LSM12: variants seen among roughly 807,000 people sequenced by gnomAD.
The protein encoded by LSM12 is protein LSM12.
For missense variants in LSM12, 108 were observed against 238.9 expected, an observed-to-expected ratio of 0.45 and a Z score of 3.61; for synonymous variants, 74 against 87.3, an observed-to-expected ratio of 0.85 and a Z score of 0.85.
chr17:44,037,610 T>A, intron 3 of LSM12, 72 bp from the exon 4 acceptor site: 1 of 1,496,102 alleles, frequency 6.7e-7, no homozygotes. Flanking sequence ...GATGAATAAA[T>A]AACTCCAGAA....
intron 1 of LSM12, 152 bp downstream of exon 1, chr17:44,066,312 G>A: frequency 1.1e-6 from 1 of 920,408 alleles, no homozygotes; most frequent in Non-Finnish European, 1.5e-6. Flanking sequence ...AGGGGGAGGG[G>A]AGCTCAGGGC....
At chr17:44,051,426 T>C (rs1322865890) in intron 2 of LSM12, among the ~76,000 whole-genome samples, 2 of 135,736 alleles carry the variant, frequency 1.5e-5, no homozygotes, top group Non-Finnish European at 3.1e-5. Context: ...ATTAGCTGGG[T>C]GTGGTGGCGC....
intron 2 of LSM12, among the ~76,000 whole-genome samples, chr17:44,049,459 G>A (rs1391589847): frequency 6.6e-6 from 1 of 151,820 alleles, no homozygotes; most frequent in East Asian, 1.9e-4. Flanking sequence ...TTTTATTTTT[G>A]TAGAGATGGG....
chr17:44,048,588 T>G (rs950217942), intron 2 of LSM12, among the ~76,000 whole-genome samples: 5 of 152,014 alleles, frequency 3.3e-5, no homozygotes, highest in Non-Finnish European at 7.4e-5. Context: ...ACCAATCAGT[T>G]AGAAGCACTA....
intron 2 of LSM12, among the ~76,000 whole-genome samples, chr17:44,055,593 CTT>C (rs1309082413): frequency 1.3e-5 from 2 of 149,300 alleles, no homozygotes; most frequent in Non-Finnish European, 3.0e-5. Context: ...AAGAGAATTA[CTT>C]TAGCACAGGA....
At chr17:44,058,251 AAATAAT>A (rs202053481) in intron 2 of LSM12, among the ~76,000 whole-genome samples, 7 of 150,712 alleles carry the variant, frequency 4.6e-5, no homozygotes, top group Non-Finnish European at 8.9e-5. Flanking sequence ...AAAAAATAAT[AAATAAT>A]AATAATAATA....
At chr17:44,046,134 A>G (rs1035502764) in intron 2 of LSM12, among the ~76,000 whole-genome samples, 2 of 149,506 alleles carry the variant, frequency 1.3e-5, no homozygotes, top group African/African-American at 4.9e-5. Flanking sequence ...ACAGGGTTTC[A>G]CCCTGTTAGC....
At chr17:44,046,081 C>T (rs968245867) in intron 2 of LSM12, among the ~76,000 whole-genome samples, 1 of 150,608 alleles carries the variant, frequency 6.6e-6, no homozygotes, top group Non-Finnish European at 1.5e-5. Context: ...GGACTACAGG[C>T]GCCCGCCACC....
intron 2 of LSM12, among the ~76,000 whole-genome samples, chr17:44,042,947 C>T (rs1336090984): frequency 6.6e-6 from 1 of 152,194 alleles, no homozygotes; most frequent in Non-Finnish European, 1.5e-5. Flanking sequence ...AGGTGATCCA[C>T]CCACCTCAGC....
At chr17:44,043,823 AT>A (rs1256999664) in intron 2 of LSM12, among the ~76,000 whole-genome samples, 40 of 151,680 alleles carry the variant, frequency 2.6e-4, no homozygotes, top group African/African-American at 9.0e-4. Context: ...AAAAAAAAAA[AT>A]CTGAAGTCTT....
At chr17:44,061,887 A>T (rs899677668) in intron 2 of LSM12, among the ~76,000 whole-genome samples, 1 of 152,190 alleles carries the variant, frequency 6.6e-6, no homozygotes, top group Non-Finnish European at 1.5e-5. Context: ...TATGGTCCCC[A>T]TCCCTGCAGA....
intron 2 of LSM12, among the ~76,000 whole-genome samples, chr17:44,054,253 C>T (rs1009582964): frequency 6.6e-6 from 1 of 152,190 alleles, no homozygotes; most frequent in Non-Finnish European, 1.5e-5. Context: ...CATCATGATT[C>T]TGTCAGGTTG....
chr17:44,040,110 TA>T, intron 3 of LSM12, 36 bp downstream of exon 3: 1 of 1,510,586 alleles, frequency 6.6e-7, no homozygotes, highest in Non-Finnish European at 9.2e-7. Flanking sequence ...CAGGTAGCAT[TA>T]CCCCAGGACA....
intron 2 of LSM12, among the ~76,000 whole-genome samples, chr17:44,042,847 G>A (rs537477347): frequency 8.5e-5 from 13 of 152,216 alleles, no homozygotes; most frequent in African/African-American, 2.4e-4. Flanking sequence ...GATTACAGGC[G>A]TGAGCTACCA....
At chr17:44,060,137 C>T (rs1206992886) in intron 2 of LSM12, among the ~76,000 whole-genome samples, 1 of 152,102 alleles carries the variant, frequency 6.6e-6, no homozygotes, top group East Asian at 1.9e-4. Flanking sequence ...TGCACTCCAG[C>T]CTGGGCGACA....
At chr17:44,043,919 TG>T (rs1158057144) in intron 2 of LSM12, among the ~76,000 whole-genome samples, 4 of 152,096 alleles carry the variant, frequency 2.6e-5, no homozygotes, top group African/African-American at 9.7e-5. Context: ...ATAAGCAGGC[TG>T]GAAGATCTCA....
intron 2 of LSM12, among the ~76,000 whole-genome samples, chr17:44,046,576 G>C (rs924319192): frequency 3.3e-5 from 5 of 150,454 alleles, no homozygotes; most frequent in Admixed American, 6.6e-5. Flanking sequence ...GGATGGTGGC[G>C]GGCGCCTGTA....
rs370386594 is a variant in LSM12, at chr17:44,051,345, C to T, written c.259-11089G>A. Among the ~76,000 whole-genome samples, 7 of 143,922 alleles carry T rather than the reference C, an allele frequency of 4.9e-5. No individual in the cohort carries two copies. In the East Asian group the frequency reaches 8.2e-4, roughly 17 times the overall value. 94.4% of individuals were successfully genotyped at this position (143,922 alleles called of 152,430 possible). A position where few individuals can be genotyped will look rare whatever the true frequency, so the allele number is the denominator to read the frequency against. On this transcript the variant is annotated intron_variant, in intron 2 of 4. Coordinates refer to ENST00000293406, the MANE Select transcript of LSM12 (RefSeq NM_001371445.1). Reference sequence around the variant, plus strand: ...GGCAGAGGTTGCAGTGAACCAAGATCGTGCCACTGCTCTTTAGCCTGGCGA... The same window carrying T: ...GGCAGAGGTTGCAGTGAACCAAGATTGTGCCACTGCTCTTTAGCCTGGCGA...
intron 2 of LSM12, among the ~76,000 whole-genome samples, chr17:44,061,562 A>C (rs1388051251): frequency 1.3e-5 from 2 of 152,206 alleles, no homozygotes; most frequent in African/African-American, 2.4e-5. Flanking sequence ...TTTCCCTAGA[A>C]TCTGACAAGA....
Sources: gnomAD v4.1 joint callset for allele counts (sites outside exome capture counted in the v4.1 genomes callset) on GRCh38, gnomAD v4.1.1 for gene constraint, MANE v1.5 for transcripts, NCBI Gene and HGNC (gene_info 2026-07-23, HGNC 2026-07-21) for gene names.